LOC128125822: variants seen among roughly 807,000 people sequenced by gnomAD.
At chr6:63,582,003 TAC>T in the LOC128125822 span, 1 of 152,178 alleles carries the variant, frequency 6.6e-6, no homozygotes, top group East Asian at 1.9e-4. Flanking sequence ...TAAAAAGTGA[TAC>T]TCCACCTTGT....
the LOC128125822 span, among the ~76,000 whole-genome samples, chr6:63,575,397 A>G: frequency 6.6e-6 from 1 of 152,224 alleles, no homozygotes; most frequent in Admixed American, 6.5e-5. Flanking sequence ...CTGATTATTA[A>G]CATCAGTGTC....
At chr6:63,573,933 T>A in the LOC128125822 span, among the ~76,000 whole-genome samples, 1 of 152,182 alleles carries the variant, frequency 6.6e-6, no homozygotes, top group African/African-American at 2.4e-5. Flanking sequence ...TGGTGTAATA[T>A]GTTGTTGCCT....
chr6:63,583,213 T>C, the LOC128125822 span: 1 of 152,214 alleles, frequency 6.6e-6, no homozygotes, highest in Admixed American at 6.5e-5. Flanking sequence ...TTCTTTTACA[T>C]GTAAACAATG....
At chr6:63,581,899 A>G in the LOC128125822 span, 106 of 152,300 alleles carry the variant, frequency 7.0e-4, 2 homozygotes, top group East Asian at 0.019. Context: ...AATGATCCAC[A>G]ATAATCCCTT....
chr6:63,574,368 G>A, the LOC128125822 span, among the ~76,000 whole-genome samples: 22 of 124,644 alleles, frequency 1.8e-4, no homozygotes, highest in South Asian at 5.1e-4. Context: ...TAGGTGGGAG[G>A]GAAAAAATCC....
chr6:63,578,219 T>C, the LOC128125822 span, among the ~76,000 whole-genome samples: 1 of 152,180 alleles, frequency 6.6e-6, no homozygotes, highest in Non-Finnish European at 1.5e-5. Context: ...TTATTAAAAA[T>C]ATGTATGGTA....
At chr6:63,579,161 G>A in the LOC128125822 span, 3 of 1,391,990 alleles carry the variant, frequency 2.2e-6, no homozygotes, top group Non-Finnish European at 2.0e-6. Flanking sequence ...AGGAAGGGTG[G>A]TAGATAATAC....
At chr6:63,576,079 A>G in the LOC128125822 span, among the ~76,000 whole-genome samples, 2 of 150,098 alleles carry the variant, frequency 1.3e-5, no homozygotes, top group Non-Finnish European at 3.0e-5. Flanking sequence ...TATTAGAATC[A>G]TATAATTATA....
chr6:63,576,693 G>A, the LOC128125822 span: 1 of 606,784 alleles, frequency 1.6e-6, no homozygotes, highest in Non-Finnish European at 2.9e-6. Context: ...AGTATTACTG[G>A]ATTGAAGAAT....
the LOC128125822 span, among the ~76,000 whole-genome samples, chr6:63,578,278 A>G: frequency 6.6e-6 from 1 of 152,236 alleles, no homozygotes; most frequent in African/African-American, 2.4e-5. Context: ...ACTTAAAACA[A>G]AATTTGCTTT....
At chr6:63,578,401 A>G in the LOC128125822 span, 1 of 1,588,518 alleles carries the variant, frequency 6.3e-7, no homozygotes, top group Non-Finnish European at 8.5e-7. Flanking sequence ...TGATGTGGTT[A>G]AACATTAAGA....
the LOC128125822 span, among the ~76,000 whole-genome samples, chr6:63,573,841 A>T: frequency 6.6e-5 from 10 of 152,304 alleles, no homozygotes; most frequent in African/African-American, 2.2e-4. Context: ...GGGCACCAGC[A>T]TACATTTCCC....
the LOC128125822 span, among the ~76,000 whole-genome samples, chr6:63,577,432 T>A: frequency 1.3e-5 from 2 of 152,234 alleles, no homozygotes; most frequent in African/African-American, 4.8e-5. Flanking sequence ...TCTACCTGCC[T>A]CTTTTTACTA....
At chr6:63,576,317 G>A in the LOC128125822 span, 3 of 388,560 alleles carry the variant, frequency 7.7e-6, no homozygotes, top group East Asian at 1.1e-4. Context: ...AGTCGATGAA[G>A]CGGCTCAGGC....
the LOC128125822 span, chr6:63,582,251 A>T: frequency 2.6e-5 from 4 of 152,534 alleles, no homozygotes; most frequent in African/African-American, 9.7e-5. Flanking sequence ...ATAATCAATT[A>T]CTAAATGTTA....
At chr6:63,578,321 T>C in the LOC128125822 span, 1 of 1,224,070 alleles carries the variant, frequency 8.2e-7, no homozygotes, top group Non-Finnish European at 1.1e-6. Flanking sequence ...TAGCATTCTT[T>C]AAATGATCTT....
the LOC128125822 span, chr6:63,583,212 A>C: frequency 6.6e-5 from 10 of 152,206 alleles, no homozygotes; most frequent in African/African-American, 2.4e-4. Context: ...TTTCTTTTAC[A>C]TGTAAACAAT....
chr6:63,579,904 A>G, the LOC128125822 span, among the ~76,000 whole-genome samples: 2 of 152,202 alleles, frequency 1.3e-5, no homozygotes, highest in Non-Finnish European at 2.9e-5. Context: ...ATTTACACTG[A>G]TGTGCCTGTT....
chr6:63,573,571 C>A, the LOC128125822 span: 1 of 152,218 alleles, frequency 6.6e-6, no homozygotes, highest in South Asian at 2.1e-4. Flanking sequence ...TGGGGCATTC[C>A]GCGAGCTGCA....
Sources: gnomAD v4.1 joint callset for allele counts (sites outside exome capture counted in the v4.1 genomes callset) on GRCh38, gnomAD v4.1.1 for gene constraint, MANE v1.5 for transcripts.